SLC9A2: variants seen among roughly 807,000 people sequenced by gnomAD.
SLC9A2 encodes the protein solute carrier family 9 member A2, also known as sodium/hydrogen exchanger 2.
SLC9A2 carries 42 observed loss-of-function variants against 71.7 expected under a neutral mutation model. The observed-to-expected ratio is 0.59, with a 90% CI of 0.46 to 0.76. The LOEUF (loss-of-function observed/expected upper bound fraction) is 0.76. SLC9A2 is among the 30% of genes least tolerant of loss of function. The probability of loss-of-function intolerance (pLI) is 0.00; values close to 1 mark genes in which losing one functional copy is unlikely to be tolerated. For missense variants in SLC9A2, 829 were observed against 1,017.4 expected (o/e 0.81, Z 2.52); for synonymous variants, 396 against 392.5 (o/e 1.01, Z -0.10).
chr2:102,638,141 G>C (rs184270636), intron 1 of SLC9A2, among the ~76,000 whole-genome samples: 1 of 152,172 alleles, frequency 6.6e-6, no homozygotes, highest in Non-Finnish European at 1.5e-5. Flanking sequence ...CAAAATAGGC[G>C]TGAAGGCCAT....
chr2:102,682,074 C>G (rs189903021), intron 3 of SLC9A2, among the ~76,000 whole-genome samples: 1 of 152,274 alleles, frequency 6.6e-6, no homozygotes, highest in East Asian at 1.9e-4. Context: ...ATGCTGGAAA[C>G]TTTGCAGATC....
chr2:102,696,682 T>C (rs1403918036), intron 7 of SLC9A2, among the ~76,000 whole-genome samples: 1 of 152,148 alleles, frequency 6.6e-6, no homozygotes, highest in Non-Finnish European at 1.5e-5. Flanking sequence ...GAACAACCTT[T>C]ACAAGCTTTA....
chr2:102,679,482 C>T lies in SLC9A2; in HGVS notation c.1005-3779C>T, dbSNP rs543916552. On this transcript the variant is annotated intron_variant, in intron 3 of 11. Transcript: ENST00000233969. Reference sequence around the variant, plus strand: ...CTGCAAGCTCTGCCTCCCGGGTTCACGCCATTCTTCTGCCTCAGCCTCCCA... The same window carrying T: ...CTGCAAGCTCTGCCTCCCGGGTTCATGCCATTCTTCTGCCTCAGCCTCCCA... Among the ~76,000 whole-genome samples, 12 of 151,736 alleles carry T rather than the reference C, an allele frequency of 7.9e-5. No individual in the cohort carries two copies. In the South Asian group the frequency reaches 1.5e-3, roughly 18 times the overall value.
At chr2:102,687,962 T>G (rs1050848783) in intron 5 of SLC9A2, among the ~76,000 whole-genome samples, 2 of 152,028 alleles carry the variant, frequency 1.3e-5, no homozygotes, top group Admixed American at 1.3e-4. Flanking sequence ...ATATTTTTAG[T>G]AGAGATGCGG....
chr2:102,621,098 T>C (rs1206743423), intron 1 of SLC9A2, among the ~76,000 whole-genome samples: 1 of 152,030 alleles, frequency 6.6e-6, no homozygotes, highest in Non-Finnish European at 1.5e-5. Context: ...GGAGGTTGCA[T>C]TGAACCGAGA....
At chr2:102,632,490 G>A (rs910565746) in intron 1 of SLC9A2, among the ~76,000 whole-genome samples, 3 of 151,938 alleles carry the variant, frequency 2.0e-5, no homozygotes, top group East Asian at 1.9e-4. Flanking sequence ...TTAAATGTAT[G>A]AGTCATAATT....
intron 2 of SLC9A2, among the ~76,000 whole-genome samples, chr2:102,658,479 G>A (rs966267224): frequency 3.3e-5 from 5 of 151,808 alleles, no homozygotes; most frequent in African/African-American, 1.2e-4. Context: ...ATATAACACA[G>A]GTGAAATGAT....
chr2:102,701,445 C>A (rs1677874052), intron 8 of SLC9A2, among the ~76,000 whole-genome samples: 2 of 152,088 alleles, frequency 1.3e-5, no homozygotes, highest in Admixed American at 1.3e-4. Flanking sequence ...TCCTTTGAGC[C>A]TGTGGTCACA....
chr2:102,683,514 A>G (rs761333133), intron 4 of SLC9A2, 36 bp downstream of exon 4: 6 of 1,493,968 alleles, frequency 4.0e-6, no homozygotes, highest in Middle Eastern at 3.4e-4. Flanking sequence ...GACATATGTA[A>G]CACTCACTAA....
At chr2:102,672,177 G>A (rs535688761) in intron 3 of SLC9A2, among the ~76,000 whole-genome samples, 139 of 152,196 alleles carry the variant, frequency 9.1e-4, no homozygotes, top group South Asian at 2.9e-3. Context: ...GTAGGAAAAG[G>A]ATTCTAGAAT....
chr2:102,678,838 G>A (rs1055407362), intron 3 of SLC9A2, among the ~76,000 whole-genome samples: 16 of 152,162 alleles, frequency 1.1e-4, no homozygotes, highest in East Asian at 3.8e-4. Flanking sequence ...ATGACCTGGC[G>A]GAGTGGGCAG....
At chr2:102,685,536 G>A (rs1677532216) in intron 5 of SLC9A2, among the ~76,000 whole-genome samples, 1 of 152,186 alleles carries the variant, frequency 6.6e-6, no homozygotes, top group Admixed American at 6.5e-5. Flanking sequence ...GGACAAAACT[G>A]GTGGAAGTTC....
chr2:102,684,101 G>C (rs1677504849), intron 4 of SLC9A2, 33 bp from the exon 5 acceptor site: 5 of 1,564,586 alleles, frequency 3.2e-6, no homozygotes, highest in Non-Finnish European at 4.4e-6. Context: ...GCCTCACCCA[G>C]TCTGTTTCCT....
intron 10 of SLC9A2, 34 bp from the exon 11 acceptor site, chr2:102,705,812 A>G: frequency 7.8e-7 from 1 of 1,286,668 alleles, no homozygotes; most frequent in South Asian, 1.3e-5. Context: ...TGCCATTTGT[A>G]TAGTTTAAGT....
chr2:102,651,745 C>T (rs2104515471), intron 1 of SLC9A2, among the ~76,000 whole-genome samples: 1 of 152,330 alleles, frequency 6.6e-6, no homozygotes, highest in African/African-American at 2.4e-5. Context: ...TTTTGTTTAA[C>T]ACATTGCTAC....
intron 9 of SLC9A2, among the ~76,000 whole-genome samples, chr2:102,704,164 T>C (rs897559367): frequency 2.6e-5 from 4 of 152,136 alleles, no homozygotes; most frequent in African/African-American, 4.8e-5. Flanking sequence ...CTGACTTTTA[T>C]TAAAGGATGA....
At chr2:102,653,787 C>T (rs1054910102) in intron 1 of SLC9A2, among the ~76,000 whole-genome samples, 4 of 152,190 alleles carry the variant, frequency 2.6e-5, no homozygotes, top group African/African-American at 7.2e-5. Context: ...CATCCATTTT[C>T]CTGTTTGTCT....
intron 11 of SLC9A2, among the ~76,000 whole-genome samples, chr2:102,707,781 A>G (rs1678009676): frequency 6.6e-6 from 1 of 152,148 alleles, no homozygotes; most frequent in South Asian, 2.1e-4. Flanking sequence ...TCCCAGCTCC[A>G]CCATCTACAA....
chr2:102,670,034 A>ATT (rs749681599), intron 3 of SLC9A2, among the ~76,000 whole-genome samples: 28 of 28,326 alleles, frequency 9.9e-4, no homozygotes, highest in African/African-American at 3.3e-3. Flanking sequence ...TTTTATTTTT[A>ATT]TTTTTTATTT....
Sources: allele counts gnomAD v4.1 joint callset (sites outside exome capture counted in the v4.1 genomes callset), GRCh38; gene constraint gnomAD v4.1.1; transcripts MANE v1.5; gene names NCBI Gene and HGNC (gene_info 2026-07-23, HGNC 2026-07-21).